The following PCYT1B variants were observed in gnomAD, a reference collection of about 807,000 sequenced individuals.
PCYT1B encodes the protein phosphate cytidylyltransferase 1B, choline, also known as choline-phosphate cytidylyltransferase B.
PCYT1B carries 10 observed loss-of-function variants against 26.4 expected under a neutral mutation model. The observed-to-expected ratio is 0.38, with a 90% CI of 0.23 to 0.64. The LOEUF (loss-of-function observed/expected upper bound fraction) is 0.64. Ranked by LOEUF, PCYT1B falls within the 30% of genes least tolerant of loss-of-function variation. The pLI, the probability that PCYT1B is intolerant of heterozygous loss-of-function variation, is 0.56. For synonymous variants in PCYT1B, 131 were observed against 108.4 expected, an observed-to-expected ratio of 1.21 and a Z score of -1.29; for missense variants, 161 against 292.7, an observed-to-expected ratio of 0.55 and a Z score of 3.28.
intron 7 of PCYT1B, among the ~76,000 whole-genome samples, chrX:24,573,486 C>A (rs1284123613): frequency 9.0e-6 from 1 of 111,058 alleles, no homozygotes; most frequent in Non-Finnish European, 1.9e-5. Flanking sequence ...AAACATCCAC[C>A]CTCTTGAGTT....
At chrX:24,629,578 A>AAAAC (rs1569252078) in intron 1 of PCYT1B, among the ~76,000 whole-genome samples, 5 of 100,032 alleles carry the variant, frequency 5.0e-5, no homozygotes, top group Non-Finnish European at 1.0e-4. Context: ...AAAAAAAAAA[A>AAAAC]AAAAAAAAAA....
intron 2 of PCYT1B, among the ~76,000 whole-genome samples, chrX:24,613,296 TA>T (rs1443303391): frequency 1.8e-5 from 2 of 112,549 alleles, no homozygotes; most frequent in East Asian, 5.5e-4. Flanking sequence ...TGGCACAAGT[TA>T]AGCTTTTAAA....
upstream of PCYT1B, among the ~76,000 whole-genome samples, chrX:24,651,472 A>AAT (rs200652780): frequency 7.7e-3 from 199 of 25,994 alleles, no homozygotes; most frequent in South Asian, 0.017. Context: ...AAAAAAAAAA[A>AAT]ATATATATAT....
At chrX:24,587,202 G>A (rs746074014) in intron 5 of PCYT1B, 39 bp downstream of exon 5, 1 of 928,945 alleles carries the variant, frequency 1.1e-6, no homozygotes, top group East Asian at 3.1e-5. Context: ...CCTGATTATT[G>A]TGATGTGGTT....
chrX:24,585,284 T>C (rs1924334179), intron 5 of PCYT1B, among the ~76,000 whole-genome samples: 1 of 111,570 alleles, frequency 9.0e-6, no homozygotes, highest in South Asian at 3.8e-4. Context: ...CCAGGAATTT[T>C]GGAAAGAAAT....
chrX:24,660,887 T>C (rs1378215590), intron 1 of PCYT1B, among the ~76,000 whole-genome samples: 1 of 111,199 alleles, frequency 9.0e-6, no homozygotes, highest in Non-Finnish European at 1.9e-5. Flanking sequence ...CACCATTCAA[T>C]TGCAGGAACT....
intron 3 of PCYT1B, among the ~76,000 whole-genome samples, chrX:24,600,365 G>T (rs747780917): frequency 3.8e-4 from 42 of 111,089 alleles, no homozygotes; most frequent in Non-Finnish European, 7.4e-4. Context: ...GAGGTCACAG[G>T]GCAAACCACT....
intron 3 of PCYT1B, among the ~76,000 whole-genome samples, chrX:24,592,024 G>C (rs184042608): frequency 9.0e-6 from 1 of 111,128 alleles, no homozygotes; most frequent in African/African-American, 3.3e-5. Flanking sequence ...CTTGGTACTC[G>C]TTGATGAACT....
rs1471151632 is a variant in PCYT1B, at chrX:24,623,385, ATATATATATATAT to A, written c.118-4314_118-4302del. On this transcript the variant is annotated intron_variant, in intron 1 of 7. Transcript: ENST00000379144. Reference sequence around the variant, plus strand: ...TTTACATATATATATATATATATATATATATATATATATAACTTTAAATTCTAGGGTACATGTG... The same window carrying A: ...TTTACATATATATATATATATATATAAACTTTAAATTCTAGGGTACATGTG... 2.8e-4 allele frequency among the ~76,000 whole-genome samples: 12 copies of A among 43,525 alleles called. No individual in the cohort carries two copies. The South Asian group carries it at 3.4e-3, about 12-fold the overall frequency. The allele number at this position is 43,525 out of a possible 115,157, so 37.8% of individuals were successfully genotyped here.
intron 3 of PCYT1B, among the ~76,000 whole-genome samples, chrX:24,591,267 C>T (rs950644024): frequency 9.0e-6 from 1 of 111,589 alleles, no homozygotes; most frequent in African/African-American, 3.3e-5. Context: ...GGCAGCTTTC[C>T]TAAGATCTCC....
At chrX:24,573,845 T>C (rs188312576) in intron 7 of PCYT1B, among the ~76,000 whole-genome samples, 59 of 110,919 alleles carry the variant, frequency 5.3e-4, no homozygotes, top group African/African-American at 1.9e-3. Flanking sequence ...GCTCCTCCAC[T>C]CTTGCCAGCT....
chrX:24,638,208 C>T (rs917198322), intron 1 of PCYT1B, among the ~76,000 whole-genome samples: 3 of 111,728 alleles, frequency 2.7e-5, no homozygotes, highest in Non-Finnish European at 3.8e-5. Flanking sequence ...AAGATTTTGG[C>T]GGGAGGGAGG....
At chrX:24,583,823 C>G (rs1445774432) in intron 5 of PCYT1B, among the ~76,000 whole-genome samples, 1 of 111,743 alleles carries the variant, frequency 8.9e-6, no homozygotes, top group Non-Finnish European at 1.9e-5. Flanking sequence ...GTAAGTGAGG[C>G]CTATGGACCT....
chrX:24,608,976 C>G (rs1286453322), intron 2 of PCYT1B, among the ~76,000 whole-genome samples: 1 of 111,217 alleles, frequency 9.0e-6, no homozygotes, highest in South Asian at 3.8e-4. Context: ...AACAAAGGAA[C>G]TAGAATGTGA....
intron 7 of PCYT1B, among the ~76,000 whole-genome samples, chrX:24,569,266 T>TAA (rs373816879): frequency 5.8e-5 from 6 of 104,133 alleles, no homozygotes; most frequent in African/African-American, 7.0e-5. Flanking sequence ...GACGATTATT[T>TAA]AAAAAAAAAA....
intron 1 of PCYT1B, among the ~76,000 whole-genome samples, chrX:24,646,505 A>AT (rs1167395283): frequency 9.0e-6 from 1 of 110,974 alleles, no homozygotes; most frequent in Non-Finnish European, 1.9e-5. Context: ...TATTTTGAAC[A>AT]TTTTCAAACG....
chrX:24,663,162 TA>T (rs997285729), intron 1 of PCYT1B, among the ~76,000 whole-genome samples: 11 of 111,906 alleles, frequency 9.8e-5, no homozygotes, highest in African/African-American at 1.9e-4. Flanking sequence ...CTTTCCCTAA[TA>T]AAAAAAATTA....
chrX:24,648,449 A>ATTTTTTTTTTTT (rs57744798), upstream of PCYT1B, among the ~76,000 whole-genome samples: 55 of 39,722 alleles, frequency 1.4e-3, 14 homozygotes, highest in African/African-American at 7.7e-3. Context: ...ATTTGAAGGA[A>ATTTTTTTTTTTT]TTTTTTTTTT....
intron 3 of PCYT1B, among the ~76,000 whole-genome samples, chrX:24,590,597 G>C (rs1407200673): frequency 9.0e-6 from 1 of 110,769 alleles, no homozygotes; most frequent in African/African-American, 3.3e-5. Flanking sequence ...TGAACAATCA[G>C]TTCCAATTAT....
Sources: allele counts gnomAD v4.1 joint callset (sites outside exome capture counted in the v4.1 genomes callset), GRCh38; gene constraint gnomAD v4.1.1; transcripts MANE v1.5; gene names NCBI Gene and HGNC (gene_info 2026-07-23, HGNC 2026-07-21).